Variants in ANO6 observed in about 807,000 individuals in gnomAD.
The protein encoded by ANO6 is anoctamin 6.
In ANO6, 106 loss-of-function variants were observed where a neutral mutation model predicts 117.5. That is an observed-to-expected ratio of 0.90 (90% CI 0.77 to 1.06). The LOEUF (loss-of-function observed/expected upper bound fraction) is 1.06, where lower values mean the gene tolerates loss of function less well. Ranked by LOEUF, ANO6 falls within the 50% of genes least tolerant of loss-of-function variation. The probability of loss-of-function intolerance (pLI) is 0.00; values close to 1 mark genes in which losing one functional copy is unlikely to be tolerated. For missense variants in ANO6, 955 were observed against 1,121.1 expected (o/e 0.85, Z 2.12); for synonymous variants, 367 against 385.1 (o/e 0.95, Z 0.55).
intron 1 of ANO6, among the ~76,000 whole-genome samples, chr12:45,287,761 T>A (rs990109087): frequency 6.6e-6 from 1 of 152,164 alleles, no homozygotes; most frequent in African/African-American, 2.4e-5. Flanking sequence ...GGAGGGTAGA[T>A]ATGCTAAAAC....
intron 8 of ANO6, among the ~76,000 whole-genome samples, chr12:45,357,730 C>T (rs1941450433): frequency 6.6e-6 from 1 of 152,088 alleles, no homozygotes; most frequent in African/African-American, 2.4e-5. Context: ...ACTTTTGGCC[C>T]CTAGAGGAAT....
chr12:45,260,183 T>G (rs1440319892), intron 1 of ANO6, among the ~76,000 whole-genome samples: 2 of 152,226 alleles, frequency 1.3e-5, no homozygotes, highest in African/African-American at 4.8e-5. Context: ...AGGTTGAGTT[T>G]TATAGCCCAA....
Position 45,216,119 on chromosome 12 carries a change from C to T in ANO6, c.-203C>T, listed in dbSNP as rs1042442457. 18 of 588,696 alleles carry T rather than the reference C, an allele frequency of 3.1e-5. No individual in the cohort carries two copies. The highest frequency in any genetic ancestry group is 3.9e-5 in the Non-Finnish European group (13 of 335,136). The allele number at this position is 588,696 out of a possible 1,614,324, so 36.5% of individuals were successfully genotyped here. ...CAGTCTCCGGGCTCCGCTCGGCAGG[C>T]GAGAGGCGTCCTCCGGCTCTGGGCT... On this transcript the variant is annotated 5_prime_UTR_variant, in exon 1 of 20. Transcript: ENST00000320560.
intron 1 of ANO6, among the ~76,000 whole-genome samples, chr12:45,266,801 A>C (rs1292890377): frequency 1.7e-5 from 2 of 115,512 alleles, no homozygotes; most frequent in South Asian, 3.6e-4. Context: ...TGTCTCAAAA[A>C]ACAAGTGTGT....
intron 12 of ANO6, among the ~76,000 whole-genome samples, chr12:45,392,599 G>A (rs1365281405): frequency 6.6e-6 from 1 of 152,166 alleles, no homozygotes; most frequent in Non-Finnish European, 1.5e-5. Flanking sequence ...TACCACTGGG[G>A]GCCGACAGAC....
chr12:45,306,648 G>T (rs1434544263), intron 2 of ANO6, among the ~76,000 whole-genome samples: 1 of 151,968 alleles, frequency 6.6e-6, no homozygotes, highest in Non-Finnish European at 1.5e-5. Flanking sequence ...AAACACATGT[G>T]ATCCCAAGGA....
At chr12:45,297,023 G>A (rs1187269537) in intron 1 of ANO6, among the ~76,000 whole-genome samples, 2 of 152,056 alleles carry the variant, frequency 1.3e-5, no homozygotes, top group Admixed American at 6.6e-5. Flanking sequence ...GGAAAGTAAC[G>A]TTATCACTAG....
intron 2 of ANO6, among the ~76,000 whole-genome samples, chr12:45,327,248 A>G (rs966617450): frequency 6.6e-6 from 1 of 152,212 alleles, no homozygotes; most frequent in Non-Finnish European, 1.5e-5. Flanking sequence ...CATGAAAAAA[A>G]CAAAATACAT....
intron 1 of ANO6, among the ~76,000 whole-genome samples, chr12:45,269,923 C>T (rs1330555619): frequency 6.6e-6 from 1 of 152,210 alleles, no homozygotes; most frequent in East Asian, 1.9e-4. Context: ...CAGTAGTTGT[C>T]AACCTTGGTT....
At chr12:45,402,972 TAACG>T in intron 13 of ANO6, 96 bp from the exon 14 acceptor site, 1 of 1,080,156 alleles carries the variant, frequency 9.3e-7, no homozygotes. Flanking sequence ...TGTATTTTTT[TAACG>T]TGTTTAACGT....
chr12:45,390,645 G>C, intron 12 of ANO6, 147 bp downstream of exon 12: 2 of 768,364 alleles, frequency 2.6e-6, no homozygotes, highest in East Asian at 2.8e-5. Flanking sequence ...GATATTTCCA[G>C]ATAACTATTT....
At chr12:45,291,496 A>G (rs909474033) in intron 1 of ANO6, among the ~76,000 whole-genome samples, 1 of 152,152 alleles carries the variant, frequency 6.6e-6, no homozygotes, top group African/African-American at 2.4e-5. Flanking sequence ...TTTGTGCATC[A>G]AGGGATATTA....
intron 3 of ANO6, among the ~76,000 whole-genome samples, chr12:45,340,222 A>G (rs1261945518): frequency 6.6e-6 from 1 of 152,094 alleles, no homozygotes; most frequent in Non-Finnish European, 1.5e-5. Context: ...TATTTCCCTG[A>G]CAGCTTTATT....
intron 1 of ANO6, among the ~76,000 whole-genome samples, chr12:45,239,030 T>C (rs1947694467): frequency 6.6e-6 from 1 of 152,262 alleles, no homozygotes; most frequent in Admixed American, 6.5e-5. Context: ...TGCCAGGCTT[T>C]GGTATCAGGA....
Position 45,378,076 on chromosome 12 carries a change from T to G in ANO6, c.1128T>G (p.Phe376Leu). Residue 376 changes from phenylalanine (F) to leucine (L), a missense_variant, in exon 10 of 20, where the codon TTT becomes TTG. Coordinates refer to ENST00000320560, the MANE Select transcript of ANO6 (RefSeq NM_001025356.3). ...AGAAATTGTGCATCTTCGACAGTTT[T>G]GGAACCCTGGTCTTTGCAGTATTTA... Reference protein sequence around the residue: ...SSKKLCIFDSFGTLVFAVFMG... With the variant: ...SSKKLCIFDSLGTLVFAVFMG... 6.2e-7 allele frequency: 1 copy of G among 1,613,704 alleles called. No individual in the cohort carries two copies. Among genetic ancestry groups the G allele is most frequent in the Non-Finnish European group, 8.5e-7 (1 of 1,179,844 alleles).
chr12:45,293,173 A>G (rs1939162902), intron 1 of ANO6, among the ~76,000 whole-genome samples: 2 of 152,230 alleles, frequency 1.3e-5, no homozygotes, highest in South Asian at 2.1e-4. Flanking sequence ...ATTGAAGAGC[A>G]CTAGTAACTG....
chr12:45,296,124 A>G (rs944447052), intron 1 of ANO6, among the ~76,000 whole-genome samples: 2 of 152,294 alleles, frequency 1.3e-5, no homozygotes, highest in East Asian at 3.9e-4. Flanking sequence ...TTGCTTTTAA[A>G]ATAATGACTG....
At chr12:45,391,894 C>T (rs1022672523) in intron 12 of ANO6, among the ~76,000 whole-genome samples, 3 of 152,076 alleles carry the variant, frequency 2.0e-5, no homozygotes, top group African/African-American at 4.8e-5. Context: ...CCAAGATGGC[C>T]AAATAGGAAC....
At chr12:45,331,252 T>C in intron 2 of ANO6, 43 bp from the exon 3 acceptor site, 2 of 1,544,190 alleles carry the variant, frequency 1.3e-6, no homozygotes, top group Non-Finnish European at 1.8e-6. Context: ...CAGCATTTTT[T>C]CAAAAAATTA....
Sources: allele counts gnomAD v4.1 joint callset (sites outside exome capture counted in the v4.1 genomes callset), GRCh38; gene constraint gnomAD v4.1.1; transcripts MANE v1.5; gene names NCBI Gene and HGNC (gene_info 2026-07-23, HGNC 2026-07-21).